Variants in NF2 observed in about 807,000 individuals in gnomAD.
NF2 encodes merlin.
In NF2, 8 loss-of-function variants were observed where a neutral mutation model predicts 83.7. The observed-to-expected ratio is 0.10, with a 90% confidence interval of 0.06 to 0.17. The LOEUF is 0.17. NF2 is among the 10% of genes least tolerant of loss of function. The pLI is 1.00. For missense variants in NF2, 533 were observed against 744.4 expected (o/e 0.72, Z 3.31); for synonymous variants, 266 against 269.6 (o/e 0.99, Z 0.13).
chr22:29,642,525 G>A (rs1444636691), intron 4 of NF2, among the ~76,000 whole-genome samples: 8 of 151,884 alleles, frequency 5.3e-5, no homozygotes, highest in African/African-American at 1.2e-4. Context: ...TATAAGTATC[G>A]TTCTAATGAA....
At chr22:29,670,913 G>A (rs1289666668) in intron 10 of NF2, among the ~76,000 whole-genome samples, 1 of 152,172 alleles carries the variant, frequency 6.6e-6, no homozygotes, top group Non-Finnish European at 1.5e-5. Flanking sequence ...GTGCAAGTCT[G>A]TGCTGTGGCT....
At chr22:29,674,997 C>T in intron 13 of NF2, 56 bp downstream of exon 13, 2 of 1,445,832 alleles carry the variant, frequency 1.4e-6, no homozygotes, top group South Asian at 2.4e-5. Context: ...GTTCTCTTTC[C>T]TCCCGGCCCT....
chr22:29,634,265 A>G (rs748043242), intron 1 of NF2, among the ~76,000 whole-genome samples: 3 of 152,220 alleles, frequency 2.0e-5, no homozygotes, highest in Non-Finnish European at 4.4e-5. Flanking sequence ...CCTTTGTGTC[A>G]AAGTTAAAAA....
At chr22:29,672,625 T>G (rs1469682768) in intron 11 of NF2, among the ~76,000 whole-genome samples, 1 of 151,066 alleles carries the variant, frequency 6.6e-6, no homozygotes, top group African/African-American at 2.4e-5. Flanking sequence ...CTTTTATTTT[T>G]TTTTTTTGAG....
At chr22:29,627,023 A>T (rs903909862) in intron 1 of NF2, among the ~76,000 whole-genome samples, 1 of 152,222 alleles carries the variant, frequency 6.6e-6, no homozygotes, top group Non-Finnish European at 1.5e-5. Context: ...CATGATTATT[A>T]GGAGTAAGGA....
At chr22:29,654,070 C>A (rs1379171919) in intron 4 of NF2, among the ~76,000 whole-genome samples, 2 of 152,034 alleles carry the variant, frequency 1.3e-5, no homozygotes, top group Non-Finnish European at 2.9e-5. Flanking sequence ...TATTTCCAAC[C>A]GCATTAGTGA....
rs1175520359 is a variant in NF2, at chr22:29,694,240, G to A, written c.1738-512G>A. On this transcript the variant is annotated intron_variant, in intron 15 of 15. Transcript: ENST00000338641. This position sits in a 1 kb window ranked among gnomAD's most constrained non-coding sequence, Gnocchi z 4.1. ...TTCGGGACCACCTGGGAAACCAGGA[G>A]TAGAAGGGGTAAACTCTTCCTCATC... 6.6e-6 allele frequency among the ~76,000 whole-genome samples: 1 copy of A among 152,224 alleles called. No individual in the cohort carries two copies. Among genetic ancestry groups the A allele is most frequent in the Non-Finnish European group, 1.5e-5 (1 of 68,036 alleles).
intron 9 of NF2, among the ~76,000 whole-genome samples, chr22:29,665,825 C>A (rs1451307657): frequency 6.6e-6 from 1 of 151,842 alleles, no homozygotes; most frequent in Non-Finnish European, 1.5e-5. Context: ...TGAGACCCTT[C>A]ATGTTAACAC....
intron 4 of NF2, among the ~76,000 whole-genome samples, chr22:29,643,344 CT>C (rs1465672940): frequency 6.7e-6 from 1 of 149,254 alleles, no homozygotes; most frequent in Non-Finnish European, 1.5e-5. Flanking sequence ...ACAGAGGGGG[CT>C]TTGGCAGGGT....
rs886057365 is a variant in NF2, at chr22:29,696,795, GTTT to G, written c.*2005_*2007del. ...AGTGAGGTCTGGCTCTGCCTCCTCC[GTTT>G]TTTTTTTTTTTCTGTTTCTGTTTCT... On this transcript the variant is annotated 3_prime_UTR_variant, in exon 16 of 16. Coordinates refer to ENST00000338641, the MANE Select transcript of NF2 (RefSeq NM_000268.4). The G allele has an allele frequency of 4.7e-5, 8 of 170,572 alleles. No individual in the cohort carries two copies. The highest frequency in any genetic ancestry group is 8.4e-5 in the Non-Finnish European group (7 of 83,522). The allele number at this position is 170,572 out of a possible 1,614,324, so 10.6% of individuals were successfully genotyped here.
intron 13 of NF2, among the ~76,000 whole-genome samples, chr22:29,675,864 A>T (rs752198888): frequency 6.6e-6 from 1 of 152,192 alleles, no homozygotes; most frequent in Non-Finnish European, 1.5e-5. Flanking sequence ...AGGCACATAC[A>T]TGACCCAGAT....
At chr22:29,674,175 A>C (rs1036822627) in intron 12 of NF2, among the ~76,000 whole-genome samples, 3 of 152,196 alleles carry the variant, frequency 2.0e-5, no homozygotes, top group Non-Finnish European at 4.4e-5. Context: ...CACGCTTTGC[A>C]TGTCGTTCTG....
chr22:29,683,164 A>G (rs2147130572), intron 15 of NF2: 10 of 1,612,854 alleles, frequency 6.2e-6, no homozygotes, highest in South Asian at 1.1e-5. Flanking sequence ...GGCCACACTG[A>G]GCCCTTACGA....
chr22:29,612,472 G>A (rs2348684), intron 1 of NF2, among the ~76,000 whole-genome samples: 35,706 of 150,880 alleles, frequency 0.24, 4,345 homozygotes, highest in Non-Finnish European at 0.29. Flanking sequence ...ACAGGCATGC[G>A]CGATCATCCC....
At chr22:29,656,536 C>T (rs542623638) in intron 6 of NF2, among the ~76,000 whole-genome samples, 7 of 151,468 alleles carry the variant, frequency 4.6e-5, no homozygotes, top group South Asian at 2.1e-4. Context: ...CTCAGCCTCC[C>T]GAGTAGCTGG....
chr22:29,641,187 C>G (rs1171067007), intron 3 of NF2, among the ~76,000 whole-genome samples: 1 of 150,128 alleles, frequency 6.7e-6, no homozygotes. Context: ...TTTCCCCCCT[C>G]TCTTTGGAAA....
chr22:29,689,777 C>G (rs1259490640), intron 15 of NF2, among the ~76,000 whole-genome samples: 1 of 152,220 alleles, frequency 6.6e-6, no homozygotes, highest in Admixed American at 6.5e-5. Context: ...GTGTCTCCCC[C>G]AACCTTCCCT....
At position 29,698,089 on chromosome 22, in the gene NF2, TG is replaced by T. The variant is rs1490881493; in HGVS notation, c.*3289del. 7 of 230,534 alleles carry T rather than the reference TG, an allele frequency of 3.0e-5. No individual in the cohort carries two copies. The East Asian group carries it at 3.7e-4, about 12-fold the overall frequency. The allele number at this position is 230,534 out of a possible 1,614,324, so 14.3% of individuals were successfully genotyped here. A position where few individuals can be genotyped will look rare whatever the true frequency, so the allele number is the denominator to read the frequency against. On this transcript the variant is annotated 3_prime_UTR_variant, in exon 16 of 16. Coordinates refer to ENST00000338641, the MANE Select transcript of NF2 (RefSeq NM_000268.4). Reference sequence around the variant, plus strand: ...TGGCCAGTAGCCGTGTGCAGCTGTGTGGCACAGATGGCTTCGTTCATCCTGA... The same window carrying T: ...TGGCCAGTAGCCGTGTGCAGCTGTGTGCACAGATGGCTTCGTTCATCCTGA...
chr22:29,676,005 G>T lies in NF2; in HGVS notation c.1446+1064G>T, dbSNP rs144708931. On this transcript the variant is annotated intron_variant, in intron 13 of 15. Coordinates refer to ENST00000338641, the MANE Select transcript of NF2 (RefSeq NM_000268.4). ...CCACCCAAGCCAGCTGTGTGGCTTT[G>T]TTAGTACCTCTGGTGGCTTGTTGGG... Among the ~76,000 whole-genome samples the T allele has an allele frequency of 1.1e-3, 169 of 152,234 alleles. 1 individual carries two copies. Among genetic ancestry groups the T allele is most frequent in the Middle Eastern group, 3.4e-3 (1 of 294 alleles).
Sources: gnomAD v4.1 joint callset for allele counts (sites outside exome capture counted in the v4.1 genomes callset) on GRCh38, gnomAD v4.1.1 for gene constraint, Gnocchi (gnomAD v3.1) non-coding constraint, MANE v1.5 for transcripts, NCBI Gene and HGNC (gene_info 2026-07-23, HGNC 2026-07-21) for gene names.